The following SLC9A9 variants were observed in gnomAD, a reference collection of about 807,000 sequenced individuals.
SLC9A9 encodes the protein solute carrier family 9 member A9.
SLC9A9 carries 62 observed loss-of-function variants against 77.8 expected under a neutral mutation model. The observed-to-expected ratio is 0.80, with a 90% CI of 0.65 to 0.98. The LOEUF (loss-of-function observed/expected upper bound fraction) is 0.98. SLC9A9 is among the 50% of genes least tolerant of loss of function. The probability of loss-of-function intolerance (pLI) is 0.00; values close to 1 mark genes in which losing one functional copy is unlikely to be tolerated. For synonymous variants in SLC9A9, 320 were observed against 283.5 expected (o/e 1.13, Z -1.29); for missense variants, 775 against 774.9 (o/e 1.00, Z 0.00).
chr3:143,790,274 G>T (rs1261986366), intron 4 of SLC9A9, among the ~76,000 whole-genome samples: 1 of 152,114 alleles, frequency 6.6e-6, no homozygotes, highest in Non-Finnish European at 1.5e-5. Flanking sequence ...CCCAGTCTCA[G>T]GTATTTCTTC....
chr3:143,332,404 G>T (rs1478924844), intron 14 of SLC9A9, among the ~76,000 whole-genome samples: 1 of 152,236 alleles, frequency 6.6e-6, no homozygotes, highest in African/African-American at 2.4e-5. Context: ...GAAATGACAA[G>T]TGTGTGCTGT....
intron 12 of SLC9A9, among the ~76,000 whole-genome samples, chr3:143,399,946 T>G (rs1020590029): frequency 1.4e-4 from 22 of 152,170 alleles, no homozygotes; most frequent in Non-Finnish European, 2.5e-4. Context: ...CATGAAAAAT[T>G]TGTTACACTC....
At chr3:143,310,152 G>C (rs1245728140) in intron 14 of SLC9A9, among the ~76,000 whole-genome samples, 1 of 152,156 alleles carries the variant, frequency 6.6e-6, no homozygotes, top group Non-Finnish European at 1.5e-5. Context: ...AACTGACAGA[G>C]GCTGTAGAGT....
At chr3:143,778,115 T>G (rs1364192217) in intron 4 of SLC9A9, among the ~76,000 whole-genome samples, 2 of 152,014 alleles carry the variant, frequency 1.3e-5, no homozygotes, top group African/African-American at 2.4e-5. Flanking sequence ...ATTATTAAAT[T>G]TAACAGACAC....
At chr3:143,377,705 G>A (rs898557319) in intron 13 of SLC9A9, among the ~76,000 whole-genome samples, 1 of 152,198 alleles carries the variant, frequency 6.6e-6, no homozygotes, top group African/African-American at 2.4e-5. Flanking sequence ...CTGGCAGGGT[G>A]GAATGGGGAG....
chr3:143,443,599 G>C (rs998158813), intron 12 of SLC9A9, among the ~76,000 whole-genome samples: 12 of 152,086 alleles, frequency 7.9e-5, no homozygotes, highest in Admixed American at 3.9e-4. Flanking sequence ...GTGTTGACTA[G>C]CAATAGTCTC....
chr3:143,778,380 C>G (rs984636732), intron 4 of SLC9A9, among the ~76,000 whole-genome samples: 6 of 152,166 alleles, frequency 3.9e-5, no homozygotes, highest in African/African-American at 1.4e-4. Context: ...TAGCTATTAA[C>G]TACTCAAGAT....
intron 12 of SLC9A9, among the ~76,000 whole-genome samples, chr3:143,402,502 C>G (rs2033885968): frequency 9.2e-6 from 1 of 108,272 alleles, no homozygotes; most frequent in Non-Finnish European, 1.9e-5. Context: ...ATGTTTTTAA[C>G]TTTTCTGTCA....
intron 12 of SLC9A9, among the ~76,000 whole-genome samples, chr3:143,413,283 C>T (rs1411343766): frequency 6.6e-6 from 1 of 152,094 alleles, no homozygotes; most frequent in Non-Finnish European, 1.5e-5. Context: ...CAATAAGGAC[C>T]AAGGAAGATG....
rs536338099 is a variant in SLC9A9, at chr3:143,265,279, C to T, written c.*1423G>A. ...CAAATTAGAAAACTTCATGCTCCAC[C>T]ACTTGTCATATTTACCTGAAATGAC... On this transcript the variant is annotated 3_prime_UTR_variant, in exon 16 of 16. Transcript: ENST00000316549. The T allele has an allele frequency of 6.6e-6, 1 of 152,356 alleles. No individual in the cohort carries two copies. The highest frequency in any genetic ancestry group is 1.5e-5 in the Non-Finnish European group (1 of 68,056). 9.4% of individuals were successfully genotyped at this position (152,356 alleles called of 1,614,324 possible).
intron 5 of SLC9A9, among the ~76,000 whole-genome samples, chr3:143,675,988 C>T (rs1411863893): frequency 1.3e-5 from 2 of 152,070 alleles, no homozygotes; most frequent in East Asian, 1.9e-4. Flanking sequence ...ACAGGTTTCT[C>T]GTGGGGGATG....
At chr3:143,749,542 T>C (rs1230891889) in intron 4 of SLC9A9, among the ~76,000 whole-genome samples, 2 of 152,236 alleles carry the variant, frequency 1.3e-5, no homozygotes, top group Non-Finnish European at 1.5e-5. Flanking sequence ...CTGAATGCTT[T>C]TTAAATACAA....
At chr3:143,363,106 GGCCAGAGGCT>G (rs1252859036) in intron 14 of SLC9A9, among the ~76,000 whole-genome samples, 2 of 152,134 alleles carry the variant, frequency 1.3e-5, no homozygotes, top group African/African-American at 4.8e-5. Context: ...GGGTTACCCT[GGCCAGAGGCT>G]GCTGAGACTG....
At chr3:143,839,501 T>C (rs75508474) in intron 1 of SLC9A9, among the ~76,000 whole-genome samples, 2 of 150,240 alleles carry the variant, frequency 1.3e-5, no homozygotes, top group Admixed American at 6.6e-5. Context: ...ACAACACACA[T>C]ACACACACAC....
In SLC9A9 at chr3:143,831,914, C is replaced by T. The variant is rs568067256; in HGVS notation, c.378+105G>A. On this transcript the variant is annotated intron_variant, in intron 2 of 15. Coordinates refer to ENST00000316549, the MANE Select transcript of SLC9A9 (RefSeq NM_173653.4). Reference sequence around the variant, plus strand: ...TCCAAAAGAGTGGTGTTAAAATAGGCATATATGTGTGTGTGAATGCATTAT... The same window carrying T: ...TCCAAAAGAGTGGTGTTAAAATAGGTATATATGTGTGTGTGAATGCATTAT... 2.0e-5 allele frequency: 20 copies of T among 995,202 alleles called. No individual in the cohort carries two copies. The African/African-American group carries it at 3.1e-4, about 15-fold the overall frequency. 61.6% of individuals were successfully genotyped at this position (995,202 alleles called of 1,614,324 possible).
chr3:143,301,284 AAAC>A, intron 14 of SLC9A9, among the ~76,000 whole-genome samples: 1 of 152,218 alleles, frequency 6.6e-6, no homozygotes, highest in Admixed American at 6.5e-5. Context: ...GGTAATATTC[AAAC>A]TATAGTCTTC....
chr3:143,433,456 T>A (rs2034565347), intron 12 of SLC9A9, among the ~76,000 whole-genome samples: 1 of 152,228 alleles, frequency 6.6e-6, no homozygotes, highest in South Asian at 2.1e-4. Flanking sequence ...CCTGGCAGTT[T>A]TTCATTTTCA....
chr3:143,764,469 A>G (rs1226651295), intron 4 of SLC9A9, among the ~76,000 whole-genome samples: 2 of 152,210 alleles, frequency 1.3e-5, no homozygotes, highest in Admixed American at 6.5e-5. Context: ...TTGGAAAACT[A>G]TTAGATGCAC....
chr3:143,495,537 G>A, intron 9 of SLC9A9, 89 bp from the exon 10 acceptor site: 1 of 989,232 alleles, frequency 1.0e-6, no homozygotes, highest in Non-Finnish European at 1.6e-6. Flanking sequence ...ACAACTGACT[G>A]GGTCTCCTTT....
Sources: allele counts gnomAD v4.1 joint callset (sites outside exome capture counted in the v4.1 genomes callset), GRCh38; gene constraint gnomAD v4.1.1; transcripts MANE v1.5; gene names NCBI Gene and HGNC (gene_info 2026-07-23, HGNC 2026-07-21).